Variants in HDAC9 observed in about 807,000 individuals in gnomAD.
The protein encoded by HDAC9 is histone deacetylase 9.
In HDAC9, 41 loss-of-function variants were observed where a neutral mutation model predicts 139.4. The observed-to-expected ratio is 0.29, with a 90% confidence interval of 0.23 to 0.38. HDAC9 has a LOEUF of 0.38. Among genes scored for constraint, HDAC9 ranks in the 10% least tolerant of loss-of-function variants. HDAC9 has a pLI of 1.00. For missense variants in HDAC9, 1,147 were observed against 1,297.0 expected, an observed-to-expected ratio of 0.88 and a Z score of 1.78; for synonymous variants, 517 against 476.2, an observed-to-expected ratio of 1.09 and a Z score of -1.12.
chr7:18,332,361 A>ATGTG (rs33993916), intron 1 of HDAC9, among the ~76,000 whole-genome samples: 1,835 of 134,666 alleles, frequency 0.014, 37 homozygotes, highest in African/African-American at 0.051. Context: ...GCATGCGCAC[A>ATGTG]TGTGTGTGTG....
At chr7:18,307,128 TGTGTGTGTGTG>T (rs1562861083) in intron 1 of HDAC9, among the ~76,000 whole-genome samples, 9 of 151,646 alleles carry the variant, frequency 5.9e-5, no homozygotes, top group African/African-American at 2.2e-4. Flanking sequence ...TGTGTGTGTG[TGTGTGTGTGTG>T]TGTGTTTGTA....
intron 17 of HDAC9, among the ~76,000 whole-genome samples, chr7:18,809,128 G>A (rs1176481803): frequency 6.6e-6 from 1 of 152,038 alleles, no homozygotes; most frequent in African/African-American, 2.4e-5. Flanking sequence ...GGGAAAACTG[G>A]ATATCCACAT....
chr7:18,217,154 G>T (rs1347263572), intron 2 of HDAC9, among the ~76,000 whole-genome samples: 1 of 151,946 alleles, frequency 6.6e-6, no homozygotes, highest in African/African-American at 2.4e-5. Context: ...ATTCTACTCA[G>T]CTGGGATGAT....
chr7:18,207,045 C>T (rs950873493), intron 2 of HDAC9, among the ~76,000 whole-genome samples: 5 of 151,556 alleles, frequency 3.3e-5, no homozygotes, highest in African/African-American at 1.2e-4. Flanking sequence ...AAGTGATTCT[C>T]CAGCCCCAGC....
intron 22 of HDAC9, among the ~76,000 whole-genome samples, chr7:18,909,727 C>T (rs917133482): frequency 5.3e-5 from 8 of 152,002 alleles, no homozygotes; most frequent in Admixed American, 1.3e-4. Flanking sequence ...CCTTCCCCAA[C>T]GTATGTTCTT....
intron 1 of HDAC9, among the ~76,000 whole-genome samples, chr7:18,324,546 C>T (rs675883): frequency 0.99 from 150,635 of 152,260 alleles, 74,538 homozygotes; most frequent in South Asian, 1. Context: ...AAATGGCTTA[C>T]GGTTTTTCTT....
intron 25 of HDAC9, among the ~76,000 whole-genome samples, chr7:18,984,797 G>C (rs1272253350): frequency 3.9e-5 from 6 of 152,172 alleles, no homozygotes; most frequent in Non-Finnish European, 7.3e-5. Flanking sequence ...ATGGACAAAA[G>C]GAAGCAATAA....
chr7:18,340,253 T>A (rs1781901435), intron 1 of HDAC9, among the ~76,000 whole-genome samples: 1 of 151,544 alleles, frequency 6.6e-6, no homozygotes, highest in African/African-American at 2.4e-5. Context: ...TTTAACCTAT[T>A]TGAGTCATAT....
intron 1 of HDAC9, among the ~76,000 whole-genome samples, chr7:18,390,000 AATAAG>A (rs1436833398): frequency 6.6e-6 from 1 of 151,606 alleles, no homozygotes; most frequent in Non-Finnish European, 1.5e-5. Flanking sequence ...GTTCTGAAAA[AATAAG>A]ATATTTTTAG....
intron 1 of HDAC9, among the ~76,000 whole-genome samples, chr7:18,344,558 A>G (rs1482041923): frequency 6.6e-6 from 1 of 152,018 alleles, no homozygotes; most frequent in African/African-American, 2.4e-5. Context: ...AAATCAAATT[A>G]ATCTACCATT....
chr7:18,612,899 T>A (rs1837557147), intron 6 of HDAC9, among the ~76,000 whole-genome samples: 1 of 151,874 alleles, frequency 6.6e-6, no homozygotes, highest in African/African-American at 2.4e-5. Context: ...TACAGAAAGT[T>A]TCTGAGTTTT....
chr7:18,175,612 A>T (rs1055655127), intron 2 of HDAC9, among the ~76,000 whole-genome samples: 1 of 152,168 alleles, frequency 6.6e-6, no homozygotes, highest in Non-Finnish European at 1.5e-5. Context: ...CCATAGTTTT[A>T]TAATGCATGC....
intron 2 of HDAC9, among the ~76,000 whole-genome samples, chr7:18,282,439 A>G (rs796594275): frequency 2.0e-4 from 31 of 152,310 alleles, no homozygotes; most frequent in African/African-American, 7.5e-4. Flanking sequence ...TTGAGAAATA[A>G]AAACATTTTA....
At chr7:18,868,798 C>T (rs1034415610) in intron 21 of HDAC9, among the ~76,000 whole-genome samples, 1 of 152,078 alleles carries the variant, frequency 6.6e-6, no homozygotes, top group African/African-American at 2.4e-5. Context: ...TCTTCCCACC[C>T]TTCTTATTGT....
chr7:18,333,955 G>A (rs1043367372), intron 1 of HDAC9, among the ~76,000 whole-genome samples: 2 of 151,144 alleles, frequency 1.3e-5, no homozygotes, highest in Admixed American at 1.3e-4. Flanking sequence ...GAAATTATAA[G>A]CTAACACACT....
rs894697158 is a variant in HDAC9 at position 18,496,039 on chromosome 7, A to G, written c.-42+16A>G. 2.8e-6 allele frequency: 4 copies of G among 1,433,472 alleles called. No individual in the cohort carries two copies. Among genetic ancestry groups the G allele is most frequent in the Non-Finnish European group, 3.6e-6 (4 of 1,097,942 alleles). The allele number at this position is 1,433,472 out of a possible 1,614,324, so 88.8% of individuals were successfully genotyped here. On this transcript the variant is annotated intron_variant, in intron 1 of 25. Transcript: ENST00000686413. ...TTGCACACAGGTTGGTAACATGGGA[A>G]AAGTGTCCAGGTCTTTTTAAAAGTG... is the stretch of plus-strand genomic sequence containing the variant.
chr7:18,622,823 G>T (rs1228261401), intron 6 of HDAC9, among the ~76,000 whole-genome samples: 2 of 151,656 alleles, frequency 1.3e-5, no homozygotes, highest in African/African-American at 4.9e-5. Flanking sequence ...AATTATTGTT[G>T]TAAAGAATAT....
chr7:18,915,320 C>T (rs1451264342), intron 22 of HDAC9, among the ~76,000 whole-genome samples: 1 of 151,954 alleles, frequency 6.6e-6, no homozygotes, highest in Non-Finnish European at 1.5e-5. Flanking sequence ...GAGCTAAACC[C>T]TATATTGCTA....
At chr7:18,411,347 A>G (rs1788529184) in intron 1 of HDAC9, among the ~76,000 whole-genome samples, 2 of 152,224 alleles carry the variant, frequency 1.3e-5, no homozygotes, top group Admixed American at 6.5e-5. Context: ...TTTTTAGTAC[A>G]GTATTCAATA....
Sources: gnomAD v4.1 joint callset for allele counts (sites outside exome capture counted in the v4.1 genomes callset) on GRCh38, gnomAD v4.1.1 for gene constraint, MANE v1.5 for transcripts, NCBI Gene and HGNC (gene_info 2026-07-23, HGNC 2026-07-21) for gene names.